Variants in RGS7 observed in about 807,000 individuals in gnomAD.
RGS7 encodes the protein regulator of G protein signaling 7, also known as regulator of G-protein signaling 7.
RGS7 carries 27 observed loss-of-function variants against 81.1 expected under a neutral mutation model. The observed-to-expected ratio is 0.33, with a 90% CI of 0.25 to 0.46. The LOEUF is 0.46. RGS7 is among the 20% of genes least tolerant of loss of function. RGS7 has a pLI of 1.00. For missense variants in RGS7, 396 were observed against 607.4 expected, an observed-to-expected ratio of 0.65 and a Z score of 3.66; for synonymous variants, 208 against 207.7, an observed-to-expected ratio of 1.00 and a Z score of -0.01.
At chr1:241,303,559 A>G (rs2148511361) in intron 2 of RGS7, among the ~76,000 whole-genome samples, 1 of 152,302 alleles carries the variant, frequency 6.6e-6, no homozygotes. Context: ...ATACCATTAG[A>G]TGTCTACTCT....
intron 18 of RGS7, among the ~76,000 whole-genome samples, chr1:240,799,664 A>T (rs1376537396): frequency 6.6e-6 from 1 of 151,988 alleles, no homozygotes; most frequent in African/African-American, 2.4e-5. Context: ...GAATAATCTT[A>T]AAAAAAAGGT....
At chr1:240,915,317 G>A (rs2148272657) in intron 6 of RGS7, among the ~76,000 whole-genome samples, 1 of 152,136 alleles carries the variant, frequency 6.6e-6, no homozygotes, top group South Asian at 2.1e-4. Context: ...AAAACCCAAG[G>A]AGCACATGTG....
chr1:241,085,716 G>A (rs186817589), intron 3 of RGS7, among the ~76,000 whole-genome samples: 1 of 152,248 alleles, frequency 6.6e-6, no homozygotes, highest in East Asian at 1.9e-4. Flanking sequence ...TTACAGGCGT[G>A]AGCCACCACA....
rs10649050 is a variant in RGS7, at chr1:241,030,493, T to TACACACACACACACACACACAC, written c.176-47386_176-47365dup. Among the ~76,000 whole-genome samples, 67 of 140,524 alleles carry TACACACACACACACACACACAC rather than the reference T, an allele frequency of 4.8e-4. 2 individuals carry two copies. Among genetic ancestry groups the TACACACACACACACACACACAC allele is most frequent in the South Asian group, 9.3e-4 (4 of 4,282 alleles). 92.2% of individuals were successfully genotyped at this position (140,524 alleles called of 152,430 possible). A position where few individuals can be genotyped will look rare whatever the true frequency, so the allele number is the denominator to read the frequency against. On this transcript the variant is annotated intron_variant, in intron 3 of 18. Coordinates refer to ENST00000440928, the MANE Select transcript of RGS7 (RefSeq NM_001364886.1). Reference sequence around the variant, plus strand: ...TATATGCATGGTATGTATATAGATGTACACACACACACACACACACACACA... The same window carrying TACACACACACACACACACACAC: ...TATATGCATGGTATGTATATAGATGTACACACACACACACACACACACACACACACACACACACACACACACA...
chr1:241,011,577 G>A (rs553903836), intron 3 of RGS7, among the ~76,000 whole-genome samples: 1 of 152,114 alleles, frequency 6.6e-6, no homozygotes, highest in South Asian at 2.1e-4. Context: ...CTTGAGTAAG[G>A]GCTAGGGAAA....
intron 9 of RGS7, among the ~76,000 whole-genome samples, chr1:240,853,283 A>C (rs917198839): frequency 6.6e-6 from 1 of 152,236 alleles, no homozygotes; most frequent in Non-Finnish European, 1.5e-5. Flanking sequence ...CTACAGGGGA[A>C]TACAGACATT....
At chr1:241,102,529 G>A (rs2064831670) in intron 2 of RGS7, among the ~76,000 whole-genome samples, 1 of 152,114 alleles carries the variant, frequency 6.6e-6, no homozygotes, top group Non-Finnish European at 1.5e-5. Flanking sequence ...ACAGAACAAA[G>A]CTAAAATGAG....
chr1:241,088,286 G>A (rs1014060432), intron 3 of RGS7, among the ~76,000 whole-genome samples: 1 of 151,888 alleles, frequency 6.6e-6, no homozygotes, highest in African/African-American at 2.4e-5. Flanking sequence ...TGAGAGGCAG[G>A]GAGGGACTGA....
intron 6 of RGS7, among the ~76,000 whole-genome samples, chr1:240,899,589 C>A (rs186947094): frequency 1.7e-3 from 261 of 152,270 alleles, no homozygotes; most frequent in African/African-American, 5.8e-3. Context: ...AAATTCTTTT[C>A]TTTAAGAATG....
At chr1:241,039,009 A>G (rs916085533) in intron 3 of RGS7, among the ~76,000 whole-genome samples, 1 of 152,078 alleles carries the variant, frequency 6.6e-6, no homozygotes, top group Non-Finnish European at 1.5e-5. Context: ...AGAAAAAAGA[A>G]TGAAAGTCAG....
chr1:241,000,599 C>T (rs545870595), intron 3 of RGS7, among the ~76,000 whole-genome samples: 3 of 152,154 alleles, frequency 2.0e-5, no homozygotes, highest in Non-Finnish European at 4.4e-5. Context: ...ATATGTTAGC[C>T]ACTAGCCATA....
chr1:241,269,021 C>T (rs1311503162), intron 2 of RGS7, among the ~76,000 whole-genome samples: 4 of 152,166 alleles, frequency 2.6e-5, no homozygotes, highest in Non-Finnish European at 5.9e-5. Flanking sequence ...TGGTTTAGTA[C>T]GTGCATAATG....
chr1:241,120,056 T>C (rs1479712431), intron 2 of RGS7, among the ~76,000 whole-genome samples: 2 of 152,206 alleles, frequency 1.3e-5, no homozygotes, highest in Non-Finnish European at 2.9e-5. Context: ...TGAAAATACA[T>C]TGGTTTTCTC....
intron 2 of RGS7, among the ~76,000 whole-genome samples, chr1:241,206,939 T>C (rs2073924812): frequency 6.6e-6 from 1 of 150,762 alleles, no homozygotes; most frequent in Non-Finnish European, 1.5e-5. Context: ...TCTCTCCTTT[T>C]CTTCCTTCTT....
intron 3 of RGS7, among the ~76,000 whole-genome samples, chr1:241,052,882 T>C (rs2061323910): frequency 6.6e-6 from 1 of 152,024 alleles, no homozygotes; most frequent in Non-Finnish European, 1.5e-5. Context: ...AATCATGTCA[T>C]CCGTGTGCCA....
intron 3 of RGS7, among the ~76,000 whole-genome samples, chr1:241,031,173 G>C (rs2060068734): frequency 6.6e-6 from 1 of 152,012 alleles, no homozygotes; most frequent in Non-Finnish European, 1.5e-5. Context: ...CTATAGTCTT[G>C]TCTTCACACT....
intron 2 of RGS7, among the ~76,000 whole-genome samples, chr1:241,329,737 A>AT (rs900685062): frequency 1.3e-5 from 2 of 151,982 alleles, no homozygotes; most frequent in Non-Finnish European, 2.9e-5. Flanking sequence ...TAAAAGGAAG[A>AT]TTTTTTTTAG....
intron 14 of RGS7, 88 bp downstream of exon 14, chr1:240,811,830 A>C: frequency 8.6e-7 from 1 of 1,164,064 alleles, no homozygotes; most frequent in Non-Finnish European, 1.3e-6. Flanking sequence ...TGTTAGTGGA[A>C]GAATAATTGA....
chr1:240,866,361 A>C (rs922382305), intron 9 of RGS7, among the ~76,000 whole-genome samples: 4 of 152,118 alleles, frequency 2.6e-5, no homozygotes, highest in African/African-American at 9.7e-5. Flanking sequence ...AATACAAAAA[A>C]TTAGCCAGGC....
Sources: gnomAD v4.1 joint callset for allele counts (sites outside exome capture counted in the v4.1 genomes callset) on GRCh38, gnomAD v4.1.1 for gene constraint, MANE v1.5 for transcripts, NCBI Gene and HGNC (gene_info 2026-07-23, HGNC 2026-07-21) for gene names.